Variants in DAB2IP observed in about 807,000 individuals in gnomAD.
The protein encoded by DAB2IP is DAB2 interacting protein.
DAB2IP carries 28 observed loss-of-function variants against 107.2 expected under a neutral mutation model. That is an observed-to-expected ratio of 0.26 (90% CI 0.19 to 0.36). DAB2IP has a LOEUF of 0.36. DAB2IP is among the 10% of genes least tolerant of loss of function. DAB2IP has a pLI of 1.00. For synonymous variants in DAB2IP, 755 were observed against 706.4 expected (o/e 1.07, Z -1.09); for missense variants, 1,400 against 1,644.7 (o/e 0.85, Z 2.57).
intron 1 of DAB2IP, among the ~76,000 whole-genome samples, chr9:121,593,238 AC>A (rs1830452403): frequency 6.6e-6 from 1 of 151,778 alleles, no homozygotes; most frequent in South Asian, 2.1e-4. Flanking sequence ...CATGCTCACC[AC>A]TGTGCTTGGC....
At chr9:121,686,987 T>C (rs1256095082) in intron 2 of DAB2IP, among the ~76,000 whole-genome samples, 1 of 151,880 alleles carries the variant, frequency 6.6e-6, no homozygotes, top group Non-Finnish European at 1.5e-5. Context: ...GAGACCAAGT[T>C]CTTAGGTGGT....
intron 2 of DAB2IP, among the ~76,000 whole-genome samples, chr9:121,695,227 T>C (rs946859698): frequency 9.9e-5 from 15 of 152,166 alleles, no homozygotes; most frequent in African/African-American, 3.4e-4. Flanking sequence ...TGTTCATTCA[T>C]GTCCCTGTCC....
rs185704581 is a variant in DAB2IP, at chr9:121,767,866, A to G, written c.1698-566A>G. 7.2e-5 allele frequency among the ~76,000 whole-genome samples: 11 copies of G among 152,274 alleles called. No homozygotes were observed. The East Asian group carries it at 2.1e-3, about 29-fold the overall frequency. On this transcript the variant is annotated intron_variant, in intron 9 of 15. Coordinates refer to ENST00000408936, the Ensembl canonical transcript of DAB2IP. The stretch of plus-strand genomic sequence containing the variant: ...AGGTTAGGGGTGATTAGAAGGCAAA[A>G]TCAGTGGGCCGTGCCATTTGGGAAT...
intron 2 of DAB2IP, among the ~76,000 whole-genome samples, chr9:121,693,898 T>C (rs959759889): frequency 8.5e-5 from 13 of 152,152 alleles, no homozygotes; most frequent in South Asian, 2.1e-4. Flanking sequence ...TTTGAGACCA[T>C]TGGTGACGTG....
chr9:121,592,884 C>T (rs1211491675), intron 1 of DAB2IP, among the ~76,000 whole-genome samples: 3 of 152,120 alleles, frequency 2.0e-5, no homozygotes, highest in Non-Finnish European at 4.4e-5. Flanking sequence ...TGAGAACAGA[C>T]TGGAGGGTGC....
intron 6 of DAB2IP, among the ~76,000 whole-genome samples, chr9:121,762,384 A>G (rs1000379061): frequency 6.6e-6 from 1 of 151,836 alleles, no homozygotes; most frequent in Non-Finnish European, 1.5e-5. Flanking sequence ...GGGGAGATGC[A>G]CCTCTGACCC....
chr9:121,749,513 T>G (rs1214098582), intron 3 of DAB2IP, among the ~76,000 whole-genome samples: 1 of 152,214 alleles, frequency 6.6e-6, no homozygotes, highest in Non-Finnish European at 1.5e-5. Flanking sequence ...ACAAACCTTG[T>G]CCAGGATTTC....
chr9:121,718,039 G>A (rs1454643551), intron 3 of DAB2IP, among the ~76,000 whole-genome samples: 2 of 152,152 alleles, frequency 1.3e-5, no homozygotes, highest in Admixed American at 6.5e-5. Context: ...ATGTGTCGAG[G>A]TTTCAGAATG....
chr9:121,676,570 A>C (rs965075830), intron 1 of DAB2IP, among the ~76,000 whole-genome samples: 5 of 152,002 alleles, frequency 3.3e-5, no homozygotes, highest in Non-Finnish European at 7.4e-5. Flanking sequence ...ACCAGGCTCC[A>C]TGCAGGGTGC....
In DAB2IP at chr9:121,678,751, G is replaced by A. The variant is rs1195980577; in HGVS notation, c.198G>A (p.Glu66=). Residue 66 remains glutamate, a synonymous_variant, in exon 2 of 16, where the codon GAG becomes GAA. Transcript: ENST00000408936. The stretch of plus-strand genomic sequence containing the variant: ...TTTCCGAGAAGAGCCCCAGCATGGA[G>A]CCCTCGGCCGCCACGCCGTTCCGGG... The A allele has an allele frequency of 2.5e-6, 4 of 1,598,140 alleles. No homozygotes were observed. The South Asian group carries it at 4.5e-5, about 18-fold the overall frequency.
chr9:121,567,466 A>G (rs1251249896), intron 1 of DAB2IP, among the ~76,000 whole-genome samples: 1 of 152,088 alleles, frequency 6.6e-6, no homozygotes, highest in Non-Finnish European at 1.5e-5. Context: ...GGGGAGGGAG[A>G]GAGAGTTTCT....
intron 6 of DAB2IP, among the ~76,000 whole-genome samples, chr9:121,761,371 G>A (rs938513590): frequency 1.3e-5 from 2 of 152,232 alleles, no homozygotes; most frequent in South Asian, 2.1e-4. Flanking sequence ...GGACAGTGGC[G>A]TGTTGTGAGC....
At chr9:121,737,436 G>T in intron 3 of DAB2IP, 1 of 985,464 alleles carries the variant, frequency 1.0e-6, no homozygotes, top group Non-Finnish European at 1.2e-6. Context: ...TGCCTTTCGG[G>T]AAGGGGAAGC....
At position 121,688,470 on chromosome 9, in the gene DAB2IP, C is replaced by T. The variant is rs181179178; in HGVS notation, c.228+9689C>T. On this transcript the variant is annotated intron_variant, in intron 2 of 15. Transcript: ENST00000408936. ...GGATCCAGCTCCCCGGCCTGGCATT[C>T]AAGCCCCCCAGGCTGTCCCAGCTTC... Among the ~76,000 whole-genome samples the T allele has an allele frequency of 3.3e-5, 5 of 152,328 alleles. No individual in the cohort carries two copies. In the East Asian group the frequency reaches 9.7e-4, roughly 29 times the overall value.
intron 13 of DAB2IP, among the ~76,000 whole-genome samples, chr9:121,775,905 A>G (rs1835165753): frequency 1.3e-5 from 2 of 152,184 alleles, no homozygotes; most frequent in South Asian, 2.1e-4. Context: ...TCAAAGCCCT[A>G]GTTACACCCT....
At position 121,699,492 on chromosome 9, in the gene DAB2IP, C is replaced by G. The variant is rs1247864701; in HGVS notation, c.362+34C>G. ...GCCGCCGCCGCCCGGTCCCCCGCGC[C>G]GCCGCCCCGGGCTGCGCCCCTGAGG... On this transcript the variant is annotated intron_variant, in intron 3 of 15. Coordinates refer to ENST00000408936, the Ensembl canonical transcript of DAB2IP. The surrounding 1 kb of genome is among the most constrained non-coding windows in gnomAD (Gnocchi z 6.2). The G allele has an allele frequency of 7.9e-7, 1 of 1,258,428 alleles. No homozygotes were observed. The highest frequency in any genetic ancestry group is 3.8e-5 in the East Asian group (1 of 26,360). 78.0% of individuals were successfully genotyped at this position (1,258,428 alleles called of 1,614,324 possible). A position where few individuals can be genotyped will look rare whatever the true frequency, so the allele number is the denominator to read the frequency against.
intron 9 of DAB2IP, among the ~76,000 whole-genome samples, 196 bp downstream of exon 9, chr9:121,766,926 A>G (rs933514264): frequency 2.0e-5 from 3 of 152,190 alleles, no homozygotes; most frequent in Non-Finnish European, 4.4e-5. Flanking sequence ...CTCAAGGTAT[A>G]TGTCATTTTG....
chr9:121,701,912 C>T lies in DAB2IP; in HGVS notation c.362+2454C>T, dbSNP rs1371440876. Among the ~76,000 whole-genome samples the T allele has an allele frequency of 6.6e-6, 1 of 152,120 alleles. No individual in the cohort carries two copies. Among genetic ancestry groups the T allele is most frequent in the Admixed American group, 6.5e-5 (1 of 15,274 alleles). Reference sequence around the variant, plus strand: ...AGCAAGGAAGGGTTGTGTCCTGGCTCCATGGGACCCCCACTGGCTGCCATG... The same window carrying T: ...AGCAAGGAAGGGTTGTGTCCTGGCTTCATGGGACCCCCACTGGCTGCCATG... On this transcript the variant is annotated intron_variant, in intron 3 of 15. Coordinates refer to ENST00000408936, the Ensembl canonical transcript of DAB2IP. The surrounding 1 kb of genome is among the most constrained non-coding windows in gnomAD (Gnocchi z 4.7).
chr9:121,744,050 G>A (rs1832543085), intron 3 of DAB2IP, among the ~76,000 whole-genome samples: 2 of 152,210 alleles, frequency 1.3e-5, no homozygotes, highest in Admixed American at 1.3e-4. Context: ...GGTGTGCTCC[G>A]TTGAGAACTG....
Sources: gnomAD v4.1 joint callset for allele counts (sites outside exome capture counted in the v4.1 genomes callset) on GRCh38, gnomAD v4.1.1 for gene constraint, Gnocchi (gnomAD v3.1) non-coding constraint, MANE v1.5 for transcripts, NCBI Gene and HGNC (gene_info 2026-07-23, HGNC 2026-07-21) for gene names.